Variants in SORCS2 observed in about 807,000 individuals in gnomAD.
SORCS2 encodes VPS10 domain-containing receptor SorCS2.
A neutral mutation model predicts 141.6 loss-of-function variants in SORCS2; 100 were observed. That is an observed-to-expected ratio of 0.71 (90% confidence interval 0.60 to 0.83). The LOEUF (loss-of-function observed/expected upper bound fraction) is 0.83. SORCS2 is among the 40% of genes least tolerant of loss of function. The pLI, the probability that SORCS2 is intolerant of heterozygous loss-of-function variation, is 0.00. For missense variants in SORCS2, 1,646 were observed against 1,560.2 expected, an observed-to-expected ratio of 1.05 and a Z score of -0.93; for synonymous variants, 789 against 676.9, an observed-to-expected ratio of 1.17 and a Z score of -2.57.
chr4:7,626,089 G>A (rs988318800), intron 3 of SORCS2, among the ~76,000 whole-genome samples: 2 of 152,146 alleles, frequency 1.3e-5, no homozygotes, highest in Non-Finnish European at 2.9e-5. Context: ...AGAGGCTGCA[G>A]TGAGCTGAGA....
chr4:7,411,410 C>G (rs537018594), intron 2 of SORCS2, among the ~76,000 whole-genome samples: 42 of 152,214 alleles, frequency 2.8e-4, no homozygotes, highest in African/African-American at 9.9e-4. Flanking sequence ...CTCCCCCTTT[C>G]CCATGTATCC....
chr4:7,741,863 G>T lies in SORCS2; in HGVS notation c.*1599G>T, dbSNP rs1712704541. ...GGTCCATTAGAGGGGAAAGCCCAGG[G>T]GTGAATCTTCACGCCCCAAACAGTG... On this transcript the variant is annotated 3_prime_UTR_variant, in exon 27 of 27. Coordinates refer to ENST00000507866, the MANE Select transcript of SORCS2 (RefSeq NM_020777.3). 1 of 152,232 alleles carries T rather than the reference G, an allele frequency of 6.6e-6. No individual in the cohort carries two copies. The highest frequency in any genetic ancestry group is 6.5e-5 in the Admixed American group (1 of 15,288). The allele number at this position is 152,232 out of a possible 1,614,324, so 9.4% of individuals were successfully genotyped here.
chr4:7,654,245 C>T, intron 5 of SORCS2, 38 bp downstream of exon 5: 1 of 1,548,640 alleles, frequency 6.5e-7, no homozygotes, highest in Non-Finnish European at 8.8e-7. Context: ...ATGGGGCCCG[C>T]AGCTCTGGTG....
At chr4:7,362,571 C>T (rs1444324769) in intron 1 of SORCS2, among the ~76,000 whole-genome samples, 1 of 152,088 alleles carries the variant, frequency 6.6e-6, no homozygotes, top group Admixed American at 6.5e-5. Flanking sequence ...GTGCTGAAGG[C>T]CTAGACCCCA....
chr4:7,232,523 T>C (rs990378141), intron 1 of SORCS2, among the ~76,000 whole-genome samples: 26 of 152,166 alleles, frequency 1.7e-4, no homozygotes, highest in Non-Finnish European at 3.4e-4. Context: ...CCCCCTGGGG[T>C]TCTGGACCCA....
intron 3 of SORCS2, among the ~76,000 whole-genome samples, chr4:7,597,393 T>C (rs1717344242): frequency 8.0e-6 from 1 of 125,412 alleles, no homozygotes; most frequent in African/African-American, 3.2e-5. Context: ...GGCTGTGCAA[T>C]AGAGGAGGGG....
chr4:7,494,830 A>G (rs1265013655), intron 2 of SORCS2, among the ~76,000 whole-genome samples: 3 of 152,224 alleles, frequency 2.0e-5, no homozygotes, highest in African/African-American at 7.2e-5. Flanking sequence ...TGACTTCTGC[A>G]GCAAGGAGCA....
intron 2 of SORCS2, among the ~76,000 whole-genome samples, chr4:7,520,988 G>A (rs1434703912): frequency 6.6e-6 from 1 of 152,240 alleles, no homozygotes; most frequent in Non-Finnish European, 1.5e-5. Context: ...GAGAAGACAA[G>A]CCTGGAGCCA....
chr4:7,688,043 A>G (rs2108980611), intron 10 of SORCS2, among the ~76,000 whole-genome samples: 1 of 152,322 alleles, frequency 6.6e-6, no homozygotes, highest in Middle Eastern at 3.4e-3. Flanking sequence ...AACTGCGGCC[A>G]CCACCTGGTC....
intron 4 of SORCS2, among the ~76,000 whole-genome samples, chr4:7,649,131 C>T (rs1255950432): frequency 6.6e-6 from 1 of 152,180 alleles, no homozygotes; most frequent in Non-Finnish European, 1.5e-5. Flanking sequence ...AGCCAGCGGC[C>T]TTAGCAAAGG....
chr4:7,506,903 T>C (rs1732307801), intron 2 of SORCS2, among the ~76,000 whole-genome samples: 1 of 152,152 alleles, frequency 6.6e-6, no homozygotes, highest in Non-Finnish European at 1.5e-5. Flanking sequence ...TAAATTAAAA[T>C]GATACCAACC....
intron 3 of SORCS2, among the ~76,000 whole-genome samples, chr4:7,562,009 G>A (rs1220271530): frequency 2.6e-5 from 4 of 152,276 alleles, no homozygotes; most frequent in South Asian, 2.1e-4. Flanking sequence ...TCTAGAGGAC[G>A]TACTTGATCT....
intron 11 of SORCS2, 151 bp from the exon 12 acceptor site, chr4:7,697,047 C>T (rs1484702850): frequency 2.0e-5 from 13 of 637,798 alleles, no homozygotes; most frequent in Admixed American, 2.7e-5. Flanking sequence ...AGACCCAGGG[C>T]CCCAGCGCAG....
intron 2 of SORCS2, among the ~76,000 whole-genome samples, chr4:7,530,193 G>A (rs530443186): frequency 1.6e-4 from 24 of 152,304 alleles, no homozygotes; most frequent in African/African-American, 5.5e-4. Flanking sequence ...CAGTGGGGTG[G>A]GGCCTTTATG....
chr4:7,526,264 C>G (rs1433366983), intron 2 of SORCS2, among the ~76,000 whole-genome samples: 1 of 152,248 alleles, frequency 6.6e-6, no homozygotes, highest in South Asian at 2.1e-4. Context: ...GGCACGTTGT[C>G]CAGACCGGCG....
intron 2 of SORCS2, among the ~76,000 whole-genome samples, chr4:7,506,364 A>C (rs961463308): frequency 2.0e-5 from 3 of 152,156 alleles, no homozygotes; most frequent in Non-Finnish European, 4.4e-5. Context: ...TGGGGGAAAA[A>C]ATAACTCTCT....
At chr4:7,665,439 A>G (rs1022764548) in intron 7 of SORCS2, among the ~76,000 whole-genome samples, 2 of 152,138 alleles carry the variant, frequency 1.3e-5, no homozygotes, top group African/African-American at 4.8e-5. Context: ...TCCTCAGTCC[A>G]TGCATTTGCT....
At chr4:7,528,731 T>C (rs937168670) in intron 2 of SORCS2, among the ~76,000 whole-genome samples, 2 of 152,170 alleles carry the variant, frequency 1.3e-5, no homozygotes, top group Non-Finnish European at 2.9e-5. Flanking sequence ...GTGTTTTAAA[T>C]GGACCTGACT....
intron 2 of SORCS2, among the ~76,000 whole-genome samples, chr4:7,513,911 G>A (rs189033230): frequency 6.6e-6 from 1 of 152,332 alleles, no homozygotes; most frequent in Admixed American, 6.5e-5. Flanking sequence ...ATGGTGCTGT[G>A]GCTGGAGGCG....
Sources: gnomAD v4.1 joint callset for allele counts (sites outside exome capture counted in the v4.1 genomes callset) on GRCh38, gnomAD v4.1.1 for gene constraint, MANE v1.5 for transcripts, NCBI Gene and HGNC (gene_info 2026-07-23, HGNC 2026-07-21) for gene names.